Variants in TTN observed in about 807,000 individuals in gnomAD.
TTN encodes the protein connectin.
A neutral mutation model predicts 3,223.0 loss-of-function variants in TTN; 1,525 were observed. The ratio of observed to expected loss-of-function variants is 0.47; its 90% CI spans 0.45 to 0.49. TTN has a LOEUF of 0.49. Among genes scored for constraint, TTN ranks in the 20% least tolerant of loss-of-function variants. The pLI, the probability that TTN is intolerant of heterozygous loss-of-function variation, is 0.00. For synonymous variants in TTN, 14,094 were observed against 15,161.0 expected (o/e 0.93, Z 5.17); for missense variants, 40,786 against 43,424.0 (o/e 0.94, Z 5.40).
chr2:178,672,352 G>A, intron 154 of TTN, 55 bp downstream of exon 154: 1 of 1,598,918 alleles, frequency 6.3e-7, no homozygotes, highest in Non-Finnish European at 8.5e-7. Flanking sequence ...TTTTAAAACT[G>A]AATAAAGGAT....
chr2:178,594,603 A>C lies in TTN; in HGVS notation c.57891T>G (p.Thr19297=), dbSNP rs748494415. Residue 19297 remains threonine, a synonymous_variant, in exon 296 of 363, where the codon ACT becomes ACG. Coordinates refer to ENST00000589042, the MANE Select transcript of TTN (RefSeq NM_001267550.2). ...RPEDLEVKEV[T]KNTVTLTWNP... is the part of the protein sequence containing the mutation. ...TCCAAGTCAAAGTTACAGTATTTTTAGTAACTTCTTTGACTTCCAGGTCTT... is the reference window on the plus strand; with the variant it reads ...TCCAAGTCAAAGTTACAGTATTTTTCGTAACTTCTTTGACTTCCAGGTCTT... The C allele has an allele frequency of 6.2e-7, 1 of 1,612,316 alleles. No individual in the cohort carries two copies. Among genetic ancestry groups the C allele is most frequent in the East Asian group, 2.2e-5 (1 of 44,742 alleles).
Position 178,776,135 on chromosome 2 carries a change from A to T in TTN, c.5729T>A (p.Val1910Glu). The T allele has an allele frequency of 6.2e-7, 1 of 1,614,064 alleles. No homozygotes were observed. Among genetic ancestry groups the T allele is most frequent in the Non-Finnish European group, 8.5e-7 (1 of 1,179,974 alleles). The part of the protein sequence containing the change: ...VDCKSYDTGE[V>E]KVTAENPEGV... ...TTCAGGATTTTCCGCGGTGACCTTC[A>T]CTTCACCTGTGTCATATGATTTGCA... The change falls in exon 28 of 363, where the codon GTG becomes GAG. Residue 1910 changes from valine to glutamate, a missense_variant. By Grantham distance (121) the Val-to-Glu change is moderately radical. Coordinates refer to ENST00000589042, the MANE Select transcript of TTN (RefSeq NM_001267550.2).
rs1348881545 is a variant in TTN at position 178,610,330 on chromosome 2, A to G, written c.51196T>C (p.Leu17066=). The change falls in exon 271 of 363, where the codon TTA becomes CTA. Residue 17066 remains leucine, a synonymous_variant. Coordinates refer to ENST00000589042, the MANE Select transcript of TTN (RefSeq NM_001267550.2). ...TCAAATTCTGGAGGTTCCCAAGTTAACTTACAAGAACTCTTGGTAATGTCA... is the reference window on the plus strand; with the variant it reads ...TCAAATTCTGGAGGTTCCCAAGTTAGCTTACAAGAACTCTTGGTAATGTCA... ...ASDITKSSCK[L]TWEPPEFDGG... is the part of the protein sequence containing the mutation. 1 of 1,612,828 alleles carries G rather than the reference A, an allele frequency of 6.2e-7. No homozygotes were observed. The highest frequency in any genetic ancestry group is 2.2e-5 in the East Asian group (1 of 44,704).
chr2:178,652,540 C>G lies in TTN; in HGVS notation c.39045G>C (p.Val13015=), dbSNP rs192464868. The G allele has an allele frequency of 1.7e-4, 266 of 1,610,734 alleles. 4 individuals are homozygous for G. In the Admixed American group the frequency reaches 4.4e-3, roughly 26 times the overall value. Residue 13015 remains valine (V), a splice_region_variant and synonymous_variant, in exon 202 of 363, where the codon GTG becomes GTC. Coordinates refer to ENST00000589042, the MANE Select transcript of TTN (RefSeq NM_001267550.2). ...GAACAACTTCTTTCGGAGCCTCTGG[C>G]ACTTAAAAGATATTAGTGAAATTAC... The part of the protein sequence containing the change: ...PKKPEVPPVK[V]PEAPKEVVPE...
chr2:178,564,068 C>T lies in TTN; in HGVS notation c.82064G>A (p.Gly27355Asp), dbSNP rs1474733241. Reference sequence around the variant, plus strand: ...AGTGATGGGTATAGACTTTGTACCACCAACATTGCTGAGTTTCAGAATATA... The same window carrying T: ...AGTGATGGGTATAGACTTTGTACCATCAACATTGCTGAGTTTCAGAATATA... The part of the protein sequence containing the change: ...GQYILKLSNV[G>D]GTKSIPITVK... Residue 27355 changes from glycine (G) to aspartate (D), a missense_variant, in exon 326 of 363, where the codon GGT becomes GAT. By Grantham distance (94) the Gly-to-Asp change is moderately conservative. Transcript: ENST00000589042. 6 of 1,613,654 alleles carry T rather than the reference C, an allele frequency of 3.7e-6. No individual in the cohort carries two copies. The highest frequency in any genetic ancestry group is 1.7e-5 in the Admixed American group (1 of 59,980).
chr2:178,768,643 T>C (rs759524431), intron 38 of TTN, 30 bp downstream of exon 38: 13 of 1,613,568 alleles, frequency 8.1e-6, no homozygotes, highest in Non-Finnish European at 1.0e-5. Flanking sequence ...TGACATTTTT[T>C]CTATGGATCT....
chr2:178,613,651 T>G, intron 263 of TTN, 100 bp downstream of exon 263: 1 of 1,257,286 alleles, frequency 8.0e-7, no homozygotes, highest in Non-Finnish European at 1.1e-6. Context: ...TTTAAAATTT[T>G]TTTAGTAATA....
intron 165 of TTN, 111 bp from the exon 166 acceptor site, chr2:178,665,037 C>T: frequency 7.8e-7 from 1 of 1,276,946 alleles, no homozygotes; most frequent in Non-Finnish European, 1.1e-6. Context: ...CTCCATCCTC[C>T]CTTTGTTCCA....
chr2:178,574,924 A>G lies in TTN; in HGVS notation c.71208T>C (p.Phe23736=). Residue 23736 remains phenylalanine (F), a synonymous_variant, in exon 326 of 363, where the codon TTT becomes TTC. Transcript: ENST00000589042. ...IPGPPTGPIK[F]DEVSSDFVTF... ...TTACAAAATCAGATGAAACTTCATC[A>G]AATTTGATTGGTCCAGTAGGTGGCC... 1.9e-6 allele frequency: 3 copies of G among 1,612,970 alleles called. No homozygotes were observed. The highest frequency in any genetic ancestry group is 2.5e-6 in the Non-Finnish European group (3 of 1,179,448).
Position 178,725,619 on chromosome 2 carries a change from C to T in TTN, c.20585G>A (p.Ser6862Asn), listed in dbSNP as rs764794977. ...AGGCTCTCCGGCTACAACAGTGAGG[C>T]TGTTCAGTTTGGAGACAAATCTTGG... ...EPPRFVSKLN[S>N]LTVVAGEPAE... Residue 6862 changes from serine (S) to asparagine (N), a missense_variant, in exon 71 of 363, where the codon AGC (serine) becomes AAC (asparagine). By Grantham distance (46) the Ser-to-Asn change is conservative. Coordinates refer to ENST00000589042, the MANE Select transcript of TTN (RefSeq NM_001267550.2). 1.3e-6 allele frequency: 2 copies of T among 1,596,146 alleles called. No individual in the cohort carries two copies. Among genetic ancestry groups the T allele is most frequent in the East Asian group, 4.5e-5 (2 of 44,644 alleles).
Position 178,707,549 on chromosome 2 carries a change from G to T in TTN, c.29018C>A (p.Thr9673Asn). Residue 9673 changes from threonine (T) to asparagine (N), a missense_variant, in exon 100 of 363, where the codon ACC becomes AAC. Thr to Asn is a moderately conservative substitution (Grantham distance 65). Coordinates refer to ENST00000589042, the MANE Select transcript of TTN (RefSeq NM_001267550.2). ...KASNVAGSDT[T>N]KSKVTIKDKP... ...ACCTTTAATGGTCACTTTTGATTTG[G>T]TAGTGTCACTTCCAGCCACATTTGA... 14 of 1,613,370 alleles carry T rather than the reference G, an allele frequency of 8.7e-6. No individual in the cohort carries two copies. Among genetic ancestry groups the T allele is most frequent in the Non-Finnish European group, 1.2e-5 (14 of 1,179,514 alleles).
intron 47 of TTN, chr2:178,744,704 TA>T (rs2083142328): frequency 2.0e-6 from 2 of 980,356 alleles, no homozygotes; most frequent in South Asian, 9.4e-5. Context: ...TTTTAAATTT[TA>T]AAGATTCTGA....
At chr2:178,704,020 G>A (rs1354273349) in intron 106 of TTN, 127 bp downstream of exon 106, 9 of 1,185,974 alleles carry the variant, frequency 7.6e-6, no homozygotes, top group African/African-American at 1.5e-5. Context: ...CTATGAGAAC[G>A]TGTGTTGGGA....
intron 356 of TTN, 117 bp downstream of exon 356, chr2:178,536,821 A>G: frequency 2.0e-6 from 2 of 988,828 alleles, no homozygotes; most frequent in Non-Finnish European, 2.9e-6. Flanking sequence ...AAGAAAAGGC[A>G]CTTGTACTTT....
At chr2:178,648,297 T>C (rs1466522552) in intron 213 of TTN, among the ~76,000 whole-genome samples, 1 of 152,154 alleles carries the variant, frequency 6.6e-6, no homozygotes, top group Non-Finnish European at 1.5e-5. Context: ...CATACTCAAA[T>C]TGAGTTTACT....
rs145989497 is a variant in TTN at position 178,793,411 on chromosome 2, T to G, written c.1529A>C (p.His510Pro). The G allele has an allele frequency of 1.9e-6, 3 of 1,614,054 alleles. No individual in the cohort carries two copies. Among genetic ancestry groups the G allele is most frequent in the African/African-American group, 2.7e-5 (2 of 74,932 alleles). ...TTKQEQMHVT[H>P]EQIRKETEKT... ...ATACAAACCCATTTTCACCTGCTCA[T>G]GAGTTACGTGCATCTGCTCTTGCTT... The change falls in exon 9 of 363, where the codon CAT becomes CCT. Residue 510 changes from histidine (H) to proline (P), a missense_variant. Physicochemically the swap from His to Pro is moderately conservative, Grantham distance 77. Transcript: ENST00000589042.
chr2:178,664,879 TGGAA>T lies in TTN; in HGVS notation c.36087_36090del (p.Ser12030LysfsTer127), dbSNP rs2154260181. ...TTAACTGATGGGGGTTCTCTTTTTT[TGGAA>T]GGAACTGTCTTGGCAGGAATAATTT... On this transcript the variant is annotated frameshift_variant, in exon 166 of 363. Transcript: ENST00000589042. LOFTEE classifies it high-confidence loss of function. 2 of 1,611,384 alleles carry T rather than the reference TGGAA, an allele frequency of 1.2e-6. No individual in the cohort carries two copies. Among genetic ancestry groups the T allele is most frequent in the Non-Finnish European group, 1.7e-6 (2 of 1,179,474 alleles).
Position 178,767,794 on chromosome 2 carries a change from C to A in TTN, c.9436G>T (p.Asp3146Tyr). 6.2e-7 allele frequency: 1 copy of A among 1,614,164 alleles called. No individual in the cohort carries two copies. The highest frequency in any genetic ancestry group is 1.7e-4 in the Middle Eastern group (1 of 6,060). ...STAKLFVEGR[D>Y]VRIRSIKKEV... Reference sequence around the variant, plus strand: ...TTTTTAATACTTCGGATGCGAACATCTCTGCCTTCTACAAAGAGTTTTGCA... The same window carrying A: ...TTTTTAATACTTCGGATGCGAACATATCTGCCTTCTACAAAGAGTTTTGCA... Residue 3146 changes from aspartate to tyrosine, a missense_variant, in exon 40 of 363, where the codon GAT becomes TAT. By Grantham distance (160) the Asp-to-Tyr change is radical. Transcript: ENST00000589042.
rs770168784 is a variant in TTN at position 178,530,315 on chromosome 2, C to G, written c.106300G>C (p.Asp35434His). 6.2e-7 allele frequency: 1 copy of G among 1,613,896 alleles called. No individual in the cohort carries two copies. Among genetic ancestry groups the G allele is most frequent in the Non-Finnish European group, 8.5e-7 (1 of 1,179,838 alleles). The change falls in exon 358 of 363, where the codon GAC becomes CAC. Residue 35434 changes from aspartate (D) to histidine (H), a missense_variant. Asp to His is a moderately conservative substitution (Grantham distance 81). Coordinates refer to ENST00000589042, the MANE Select transcript of TTN (RefSeq NM_001267550.2). ...TTAACTGCAAATTTAGCAACACTGT[C>G]TGAAGAAACAGTTGTATCCTGCAAC... ...TGLQDTTVSS[D>H]SVAKFAVKAT...
Sources: allele counts gnomAD v4.1 joint callset (sites outside exome capture counted in the v4.1 genomes callset), GRCh38; gene constraint gnomAD v4.1.1; transcripts MANE v1.5; gene names NCBI Gene and HGNC (gene_info 2026-07-23, HGNC 2026-07-21).